Variants in INO80 observed in about 807,000 individuals in gnomAD.
INO80 encodes INO80 complex ATPase subunit.
Under a neutral mutation model 203.4 loss-of-function variants are expected in INO80, and 20 were observed. That is an observed-to-expected ratio of 0.10 (90% CI 0.07 to 0.14). INO80 has a LOEUF of 0.14. INO80 is among the 10% of genes least tolerant of loss of function. The probability of loss-of-function intolerance (pLI) is 1.00; values close to 1 mark genes in which losing one functional copy is unlikely to be tolerated. For missense variants in INO80, 1,419 were observed against 1,914.4 expected (o/e 0.74, Z 4.83); for synonymous variants, 726 against 685.2 (o/e 1.06, Z -0.93).
chr15:41,042,855 G>A (rs2044693098), intron 24 of INO80, among the ~76,000 whole-genome samples: 1 of 152,166 alleles, frequency 6.6e-6, no homozygotes, highest in Non-Finnish European at 1.5e-5. Flanking sequence ...ACATACATAT[G>A]TTGGAGATAA....
In INO80 at chr15:41,049,331, G is replaced by A; in HGVS notation, c.2532C>T (p.Ile844=). Residue 844 remains isoleucine (I), a synonymous_variant, in exon 21 of 36, where the codon ATC becomes ATT. Transcript: ENST00000648947. The stretch of plus-strand genomic sequence containing the variant: ...AGACCCTGATCTGTCCATGACGGTA[G>A]ATAAACTTTGAAATGTGGTATGGCT... ...SLKPYHISKF[I]YRHGQIRVFN... 6.2e-7 allele frequency: 1 copy of A among 1,613,824 alleles called. No individual in the cohort carries two copies. The highest frequency in any genetic ancestry group is 1.1e-5 in the South Asian group (1 of 91,082).
chr15:41,004,747 T>C (rs927233184), intron 28 of INO80: 11 of 152,224 alleles, frequency 7.2e-5, no homozygotes, highest in African/African-American at 2.4e-4. Flanking sequence ...GGCTGAGAGC[T>C]GCCAGCTGAG....
chr15:41,047,716 C>T (rs2044793870), intron 22 of INO80, among the ~76,000 whole-genome samples: 1 of 152,142 alleles, frequency 6.6e-6, no homozygotes, highest in Non-Finnish European at 1.5e-5. Flanking sequence ...ATATATGGAC[C>T]AGACTAGAGA....
At chr15:40,988,697 T>C (rs189764834) in intron 29 of INO80, among the ~76,000 whole-genome samples, 251 of 152,158 alleles carry the variant, frequency 1.6e-3, no homozygotes, top group Non-Finnish European at 3.1e-3. Flanking sequence ...CTGGCCAACA[T>C]AGTGAATCCC....
At chr15:40,992,623 T>C (rs1178144293) in intron 29 of INO80, among the ~76,000 whole-genome samples, 1 of 152,202 alleles carries the variant, frequency 6.6e-6, no homozygotes, top group African/African-American at 2.4e-5. Flanking sequence ...AATCCTACTG[T>C]TTCTCTAGCA....
intron 29 of INO80, among the ~76,000 whole-genome samples, chr15:40,994,393 T>A (rs796595987): frequency 2.7e-4 from 41 of 152,310 alleles, no homozygotes; most frequent in African/African-American, 9.9e-4. Context: ...AGATGGAGTC[T>A]CACTGTGTCA....
intron 27 of INO80, among the ~76,000 whole-genome samples, chr15:41,007,415 T>G (rs2044062785): frequency 6.6e-6 from 1 of 152,062 alleles, no homozygotes; most frequent in African/African-American, 2.4e-5. Flanking sequence ...ACTCCTGACC[T>G]CAGGTGATCT....
chr15:41,045,149 T>C, intron 23 of INO80, 74 bp from the exon 24 acceptor site: 1 of 1,108,668 alleles, frequency 9.0e-7, no homozygotes, highest in Non-Finnish European at 1.3e-6. Context: ...GCAGCAAGGA[T>C]TGTCTCTCAT....
chr15:41,093,714 G>A (rs1196202789), intron 4 of INO80, among the ~76,000 whole-genome samples: 1 of 151,846 alleles, frequency 6.6e-6, no homozygotes, highest in Non-Finnish European at 1.5e-5. Flanking sequence ...TGAACGTGGT[G>A]GTGCGGGCCT....
At chr15:40,998,390 CT>C (rs2043910164) in intron 28 of INO80, among the ~76,000 whole-genome samples, 1 of 152,112 alleles carries the variant, frequency 6.6e-6, no homozygotes, top group Admixed American at 6.5e-5. Context: ...AAGACCCAGG[CT>C]GTGACTTTTA....
chr15:40,988,428 A>G (rs1352553707), intron 29 of INO80, among the ~76,000 whole-genome samples: 4 of 152,202 alleles, frequency 2.6e-5, no homozygotes, highest in Non-Finnish European at 4.4e-5. Flanking sequence ...GAGCTAGACA[A>G]TTTATCCAAG....
At chr15:41,026,410 A>G (rs1307703346) in intron 25 of INO80, among the ~76,000 whole-genome samples, 2 of 151,970 alleles carry the variant, frequency 1.3e-5, no homozygotes, top group African/African-American at 4.8e-5. Context: ...AAAAGTAGCC[A>G]GGAGCGGTGG....
At chr15:41,016,344 C>T (rs1225497438) in intron 26 of INO80, 129 bp from the exon 27 acceptor site, 31 of 877,254 alleles carry the variant, frequency 3.5e-5, no homozygotes, top group Non-Finnish European at 5.0e-5. Context: ...CAGAAAAGTG[C>T]TCTAAAGGGA....
intron 1 of INO80, among the ~76,000 whole-genome samples, chr15:41,105,574 A>C (rs1029707418): frequency 2.1e-4 from 32 of 152,126 alleles, no homozygotes; most frequent in African/African-American, 7.0e-4. Flanking sequence ...AAGATTAAGT[A>C]CTCCAAGCAT....
rs935648385 is a variant in INO80 at position 40,995,053 on chromosome 15, AC to A, written c.3570+2475del. On this transcript the variant is annotated intron_variant, in intron 29 of 35. Coordinates refer to ENST00000648947, the MANE Select transcript of INO80 (RefSeq NM_017553.3). ...GTATATTTAGCAGAGATATGGTTTC[AC>A]CATGCAGGCCAGGCTGGTCTTGAAC... 1.5e-3 allele frequency among the ~76,000 whole-genome samples: 231 copies of A among 152,060 alleles called. 1 individual carries two copies. The highest frequency in any genetic ancestry group is 5.3e-3 in the African/African-American group (221 of 41,396).
Position 40,984,854 on chromosome 15 carries a change from A to G in INO80, c.3921+484T>C, listed in dbSNP as rs192452858. Among the ~76,000 whole-genome samples, 70 of 152,288 alleles carry G rather than the reference A, an allele frequency of 4.6e-4. 2 individuals carry two copies. The highest frequency in any genetic ancestry group is 1.4e-3 in the African/African-American group (58 of 41,558). Reference sequence around the variant, plus strand: ...TTTCTACATATCTGTTTTTAAGACAAATTTTTAAGACAGTTCAAATCCTTG... The same window carrying G: ...TTTCTACATATCTGTTTTTAAGACAGATTTTTAAGACAGTTCAAATCCTTG... On this transcript the variant is annotated intron_variant, in intron 32 of 35. Transcript: ENST00000648947.
chr15:41,080,246 AAT>A (rs2045466127), intron 8 of INO80, among the ~76,000 whole-genome samples: 1 of 152,184 alleles, frequency 6.6e-6, no homozygotes, highest in African/African-American at 2.4e-5. Flanking sequence ...ACCACTGAAA[AAT>A]ATATTAAACC....
rs191370818 is a variant in INO80 at position 41,104,623 on chromosome 15, C to T, written c.-43-8270G>A. Among the ~76,000 whole-genome samples the T allele has an allele frequency of 5.6e-3, 859 of 152,122 alleles. 6 individuals are homozygous for T. Among genetic ancestry groups the T allele is most frequent in the Admixed American group, 7.5e-3 (115 of 15,234 alleles). On this transcript the variant is annotated intron_variant, in intron 1 of 35. Coordinates refer to ENST00000648947, the MANE Select transcript of INO80 (RefSeq NM_017553.3). The stretch of plus-strand genomic sequence containing the variant: ...TCCAATCTTGGCTCACTGCAACCTC[C>T]GCCTCCCAGATTCAAGGGATTCTCC...
intron 28 of INO80, among the ~76,000 whole-genome samples, chr15:41,001,702 CCAAA>C (rs778267938): frequency 4.6e-5 from 7 of 152,172 alleles, no homozygotes; most frequent in African/African-American, 1.2e-4. Flanking sequence ...GACATCCTGG[CCAAA>C]CAGTCTTTAG....
Sources: allele counts gnomAD v4.1 joint callset (sites outside exome capture counted in the v4.1 genomes callset), GRCh38; gene constraint gnomAD v4.1.1; transcripts MANE v1.5; gene names NCBI Gene and HGNC (gene_info 2026-07-23, HGNC 2026-07-21).